Variants in FLNB observed in about 807,000 individuals in gnomAD.
FLNB encodes the protein filamin-B.
A neutral mutation model predicts 250.6 loss-of-function variants in FLNB; 111 were observed. The observed-to-expected ratio is 0.44, with a 90% confidence interval of 0.38 to 0.52. The LOEUF (loss-of-function observed/expected upper bound fraction) is 0.52, where lower values mean the gene tolerates loss of function less well. Ranked by LOEUF, FLNB falls within the 20% of genes least tolerant of loss-of-function variation. The probability of loss-of-function intolerance (pLI) is 0.00; values close to 1 mark genes in which losing one functional copy is unlikely to be tolerated. For missense variants in FLNB, 2,869 were observed against 3,447.8 expected (o/e 0.83, Z 4.20); for synonymous variants, 1,302 against 1,372.1 (o/e 0.95, Z 1.13).
Position 58,169,788 on chromosome 3 carries a change from A to C in FLNB, c.7616A>C (p.Lys2539Thr). 6.3e-7 allele frequency: 1 copy of C among 1,595,396 alleles called. No individual in the cohort carries two copies. Among genetic ancestry groups the C allele is most frequent in the Non-Finnish European group, 8.6e-7 (1 of 1,166,006 alleles). ...AGTTCCTTCCTGGTGGACTGCAGCA[A>C]AGCTGGTAGGTGTCTGGGCCTTTTC... The part of the protein sequence containing the change: ...QKSSFLVDCS[K>T]AGSNMLLIGV... The change falls in exon 45 of 46, where the codon AAA (lysine) becomes ACA (threonine). Residue 2539 changes from lysine to threonine, a missense_variant. By Grantham distance (78) the Lys-to-Thr change is moderately conservative (BLOSUM62 -1). Coordinates refer to ENST00000295956, the MANE Select transcript of FLNB (RefSeq NM_001457.4). This position sits in a 1 kb window ranked among gnomAD's most constrained non-coding sequence, Gnocchi z 4.8.
intron 33 of FLNB, 35 bp downstream of exon 33, chr3:58,146,084 C>G: frequency 6.2e-7 from 1 of 1,613,034 alleles, no homozygotes; most frequent in Non-Finnish European, 8.5e-7. Context: ...ACGCCTCCAG[C>G]TGTCCATTTG....
intron 40 of FLNB, among the ~76,000 whole-genome samples, chr3:58,155,407 A>G (rs778400718): frequency 6.6e-6 from 1 of 152,278 alleles, no homozygotes; most frequent in Non-Finnish European, 1.5e-5. Context: ...ATTATAGTAC[A>G]GTTACCAAAA....
chr3:58,069,469 G>C (rs1032283521), intron 1 of FLNB, among the ~76,000 whole-genome samples: 15 of 152,032 alleles, frequency 9.9e-5, no homozygotes, highest in African/African-American at 3.4e-4. Flanking sequence ...TCGAACTCGT[G>C]ACCTCAGGAG....
chr3:58,095,094 TA>T, intron 5 of FLNB, 140 bp downstream of exon 5: 1 of 748,200 alleles, frequency 1.3e-6, no homozygotes, highest in Non-Finnish European at 2.4e-6. Flanking sequence ...CTGAGGCTTA[TA>T]GCTGTTAAAG....
chr3:58,076,966 T>A, intron 1 of FLNB, 80 bp from the exon 2 acceptor site: 1 of 1,484,254 alleles, frequency 6.7e-7, no homozygotes, highest in Admixed American at 1.7e-5. Flanking sequence ...AGTTGAAGAC[T>A]CCATTTACAT....
chr3:58,102,480 T>C (rs1011614534), intron 9 of FLNB, 140 bp downstream of exon 9: 42 of 1,007,100 alleles, frequency 4.2e-5, no homozygotes, highest in Admixed American at 2.0e-4. Context: ...TCTGGGCTCC[T>C]TGGGGAAGAC....
chr3:58,120,528 A>C (rs1416850152), intron 19 of FLNB, among the ~76,000 whole-genome samples: 1 of 152,038 alleles, frequency 6.6e-6, no homozygotes, highest in Non-Finnish European at 1.5e-5. Context: ...GTCTAATCTA[A>C]CACTTGGGCT....
intron 9 of FLNB, among the ~76,000 whole-genome samples, chr3:58,103,282 G>GTA (rs1263802606): frequency 6.6e-6 from 1 of 151,958 alleles, no homozygotes; most frequent in Non-Finnish European, 1.5e-5. Flanking sequence ...GTGTGTGTGT[G>GTA]TGTGTGTGTG....
intron 1 of FLNB, among the ~76,000 whole-genome samples, chr3:58,032,452 G>C (rs2097132362): frequency 1.3e-5 from 2 of 152,188 alleles, no homozygotes; most frequent in Non-Finnish European, 2.9e-5. Flanking sequence ...GATTCTCAGA[G>C]ACAGAGGGCT....
rs968677006 is a variant in FLNB at position 58,169,547 on chromosome 3, G to C, written c.7418-43G>C. The C allele has an allele frequency of 2.6e-6, 4 of 1,525,060 alleles. No individual in the cohort carries two copies. The African/African-American group carries it at 5.5e-5, about 21-fold the overall frequency. 94.5% of individuals were successfully genotyped at this position (1,525,060 alleles called of 1,614,324 possible). ...GTCCTCTGGCTGAGAGACCCCTCTTGATCTGGCCATTCATGCCTGTCCCCC... is the reference window on the plus strand; with the variant it reads ...GTCCTCTGGCTGAGAGACCCCTCTTCATCTGGCCATTCATGCCTGTCCCCC... On this transcript the variant is annotated intron_variant, in intron 44 of 45. Transcript: ENST00000295956. This position sits in a 1 kb window ranked among gnomAD's most constrained non-coding sequence, Gnocchi z 4.8.
intron 25 of FLNB, chr3:58,131,873 TG>T: frequency 8.2e-7 from 1 of 1,213,248 alleles, no homozygotes; most frequent in Non-Finnish European, 1.2e-6. Flanking sequence ...AAGCTTTACT[TG>T]GATATCTGCC....
rs116706406 is a variant in FLNB at position 58,061,591 on chromosome 3, G to A, written c.293-15455G>A. On this transcript the variant is annotated intron_variant, in intron 1 of 45. Transcript: ENST00000295956. Reference sequence around the variant, plus strand: ...AAATTACGAAAATTAGCCAGGCATGGTGGTGACTGTCCCAGCTACTTGGGA... The same window carrying A: ...AAATTACGAAAATTAGCCAGGCATGATGGTGACTGTCCCAGCTACTTGGGA... 6.4e-3 allele frequency among the ~76,000 whole-genome samples: 976 copies of A among 151,788 alleles called. 11 individuals carry two copies. The highest frequency in any genetic ancestry group is 0.022 in the African/African-American group (891 of 41,356).
At chr3:58,016,364 T>C (rs1369368761) in intron 1 of FLNB, among the ~76,000 whole-genome samples, 1 of 151,908 alleles carries the variant, frequency 6.6e-6, no homozygotes, top group African/African-American at 2.4e-5. Flanking sequence ...CCTTGTTTAG[T>C]GTAGGGTAGT....
chr3:58,136,964 G>T (rs1189615355), intron 28 of FLNB, among the ~76,000 whole-genome samples: 4 of 151,812 alleles, frequency 2.6e-5, no homozygotes, highest in Non-Finnish European at 5.9e-5. Flanking sequence ...CAAGTGATCT[G>T]CCCTCCTCAG....
intron 21 of FLNB, among the ~76,000 whole-genome samples, chr3:58,124,063 C>A (rs2097293583): frequency 1.3e-5 from 2 of 152,206 alleles, no homozygotes; most frequent in Non-Finnish European, 2.9e-5. Flanking sequence ...CTAACACCTG[C>A]ATGCCACACA....
chr3:58,039,517 C>T (rs1349278769), intron 1 of FLNB, among the ~76,000 whole-genome samples: 2 of 152,128 alleles, frequency 1.3e-5, no homozygotes, highest in African/African-American at 4.8e-5. Flanking sequence ...TAGGTCACCA[C>T]CCCCCTTGCC....
chr3:58,047,375 C>T (rs2097155750), intron 1 of FLNB, among the ~76,000 whole-genome samples: 1 of 151,904 alleles, frequency 6.6e-6, no homozygotes, highest in Admixed American at 6.6e-5. Context: ...TCAATCAACC[C>T]TATTTATTTA....
At chr3:58,156,589 C>T (rs1216637684) in intron 41 of FLNB, among the ~76,000 whole-genome samples, 2 of 152,114 alleles carry the variant, frequency 1.3e-5, no homozygotes, top group African/African-American at 4.8e-5. Flanking sequence ...TTCTCTTGAC[C>T]CCATTTTAAT....
intron 1 of FLNB, among the ~76,000 whole-genome samples, chr3:58,037,284 G>A (rs1576617142): frequency 6.6e-6 from 1 of 151,984 alleles, no homozygotes; most frequent in Non-Finnish European, 1.5e-5. Context: ...AGGCTTGTCT[G>A]GAACTCCTGA....
Sources: allele counts gnomAD v4.1 joint callset (sites outside exome capture counted in the v4.1 genomes callset), GRCh38; gene constraint gnomAD v4.1.1; non-coding constraint Gnocchi (gnomAD v3.1); transcripts MANE v1.5; gene names NCBI Gene and HGNC (gene_info 2026-07-23, HGNC 2026-07-21).